TPD52: variants seen among roughly 807,000 people sequenced by gnomAD.
The protein encoded by TPD52 is prostate and colon associated protein.
A neutral mutation model predicts 31.3 loss-of-function variants in TPD52; 17 were observed. That is an observed-to-expected ratio of 0.54 (90% CI 0.37 to 0.82). The LOEUF is 0.82. Ranked by LOEUF, TPD52 falls within the 40% of genes least tolerant of loss-of-function variation. The pLI is 0.00. For synonymous variants in TPD52, 83 were observed against 89.6 expected, an observed-to-expected ratio of 0.93 and a Z score of 0.42; for missense variants, 212 against 240.1, an observed-to-expected ratio of 0.88 and a Z score of 0.77.
chr8:80,119,465 G>A (rs1354730120), intron 1 of TPD52, among the ~76,000 whole-genome samples: 1 of 152,160 alleles, frequency 6.6e-6, no homozygotes, highest in East Asian at 1.9e-4. Flanking sequence ...AGAATAATGT[G>A]TATACTATCC....
At chr8:80,127,266 C>T (rs1441531943) in intron 1 of TPD52, among the ~76,000 whole-genome samples, 1 of 152,192 alleles carries the variant, frequency 6.6e-6, no homozygotes, top group Non-Finnish European at 1.5e-5. Flanking sequence ...CAACACTCTC[C>T]AGCTCTCTCA....
chr8:80,049,398 C>T (rs1438798515), intron 5 of TPD52, among the ~76,000 whole-genome samples: 1 of 152,154 alleles, frequency 6.6e-6, no homozygotes, highest in African/African-American at 2.4e-5. Flanking sequence ...TACACAATCA[C>T]CTATCATTGG....
chr8:80,072,815 A>ATATATATATAT (rs1586229273), intron 1 of TPD52, among the ~76,000 whole-genome samples: 3 of 151,136 alleles, frequency 2.0e-5, no homozygotes, highest in South Asian at 4.1e-4. Context: ...ATATATATAT[A>ATATATATATAT]AACTTGGCCA....
At chr8:80,047,322 T>C (rs780026462) in intron 5 of TPD52, among the ~76,000 whole-genome samples, 11 of 152,186 alleles carry the variant, frequency 7.2e-5, no homozygotes, top group Non-Finnish European at 1.0e-4. Flanking sequence ...TGAGGTACTA[T>C]TGTCTCGCTG....
intron 1 of TPD52, among the ~76,000 whole-genome samples, chr8:80,128,685 A>G (rs1196515422): frequency 6.6e-6 from 1 of 151,690 alleles, no homozygotes; most frequent in Non-Finnish European, 1.5e-5. Flanking sequence ...AAAATAAAAT[A>G]AATTTAAATG....
At chr8:80,050,415 G>A in intron 5 of TPD52, 30 bp downstream of exon 5, 1 of 1,598,054 alleles carries the variant, frequency 6.3e-7, no homozygotes, top group Non-Finnish European at 8.5e-7. Flanking sequence ...ACAACTGCTG[G>A]ACTGCAGTGA....
chr8:80,061,840 T>C (rs773398665), intron 2 of TPD52, among the ~76,000 whole-genome samples: 4 of 152,076 alleles, frequency 2.6e-5, no homozygotes, highest in Non-Finnish European at 1.5e-5. Context: ...TCAACAAGAA[T>C]AAAACACTTA....
intron 5 of TPD52, among the ~76,000 whole-genome samples, chr8:80,048,376 A>G (rs887349871): frequency 6.6e-6 from 1 of 152,238 alleles, no homozygotes; most frequent in Non-Finnish European, 1.5e-5. Context: ...CTCCTTCTAT[A>G]TCCATAATTA....
In TPD52 at chr8:80,059,579, C is replaced by T. The variant is rs186292958; in HGVS notation, c.135+4899G>A. ...TAAAAAAAAGAAAAAGACAGCCAGGCGCAGTGGCTCACGCCTGTAATCCCA... is the reference window on the plus strand; with the variant it reads ...TAAAAAAAAGAAAAAGACAGCCAGGTGCAGTGGCTCACGCCTGTAATCCCA... On this transcript the variant is annotated intron_variant, in intron 2 of 7. Coordinates refer to ENST00000518937, the MANE Select transcript of TPD52 (RefSeq NM_001025253.3). Among the ~76,000 whole-genome samples the T allele has an allele frequency of 3.3e-5, 5 of 152,246 alleles. No individual in the cohort carries two copies. The East Asian group carries it at 7.7e-4, about 24-fold the overall frequency.
chr8:80,136,202 A>T (rs1190500311), intron 1 of TPD52, among the ~76,000 whole-genome samples: 1 of 149,740 alleles, frequency 6.7e-6, no homozygotes, highest in Non-Finnish European at 1.5e-5. Context: ...AAGCACACTC[A>T]CACACACATT....
chr8:80,118,080 C>A (rs566757181), intron 1 of TPD52, among the ~76,000 whole-genome samples: 1 of 152,084 alleles, frequency 6.6e-6, no homozygotes, highest in African/African-American at 2.4e-5. Flanking sequence ...CTACAGTAAT[C>A]AAGATAATGT....
At chr8:80,156,761 A>G (rs1810999818) in intron 1 of TPD52, among the ~76,000 whole-genome samples, 1 of 152,154 alleles carries the variant, frequency 6.6e-6, no homozygotes, top group African/African-American at 2.4e-5. Context: ...GGCTGTGGGG[A>G]TGCCAAGTAG....
At chr8:80,136,817 C>T (rs905559982) in intron 1 of TPD52, among the ~76,000 whole-genome samples, 4 of 152,184 alleles carry the variant, frequency 2.6e-5, no homozygotes, top group Non-Finnish European at 5.9e-5. Flanking sequence ...ACTTCACCCA[C>T]ATCCATAAAA....
intron 1 of TPD52, among the ~76,000 whole-genome samples, chr8:80,147,232 C>T (rs576619002): frequency 6.6e-6 from 1 of 152,264 alleles, no homozygotes; most frequent in African/African-American, 2.4e-5. Flanking sequence ...GTTAAAAGTA[C>T]CATTTTTAAG....
At chr8:80,146,677 A>C (rs1390672534) in intron 1 of TPD52, among the ~76,000 whole-genome samples, 3 of 152,270 alleles carry the variant, frequency 2.0e-5, no homozygotes, top group Non-Finnish European at 4.4e-5. Flanking sequence ...ATTTATTTAT[A>C]ATAGTTAACA....
At chr8:80,122,929 G>C (rs1277167071) in intron 1 of TPD52, 1 of 152,296 alleles carries the variant, frequency 6.6e-6, no homozygotes, top group Non-Finnish European at 1.5e-5. Context: ...TCACTGCTAG[G>C]CTGAGAATTC....
At chr8:80,128,696 T>C (rs1253010723) in intron 1 of TPD52, among the ~76,000 whole-genome samples, 2 of 151,570 alleles carry the variant, frequency 1.3e-5, no homozygotes, top group African/African-American at 4.8e-5. Flanking sequence ...AATTTAAATG[T>C]TAAATATTAA....
At chr8:80,061,439 T>C (rs1215601316) in intron 2 of TPD52, among the ~76,000 whole-genome samples, 1 of 141,420 alleles carries the variant, frequency 7.1e-6, no homozygotes, top group Non-Finnish European at 1.5e-5. Flanking sequence ...TGGTGGCTTA[T>C]GCCTGTAATC....
intron 1 of TPD52, among the ~76,000 whole-genome samples, chr8:80,084,267 T>G (rs1200610557): frequency 6.6e-6 from 1 of 152,218 alleles, no homozygotes; most frequent in East Asian, 1.9e-4. Context: ...TCCCACCCCC[T>G]GGCCCCAGGC....
Sources: allele counts gnomAD v4.1 joint callset (sites outside exome capture counted in the v4.1 genomes callset), GRCh38; gene constraint gnomAD v4.1.1; transcripts MANE v1.5; gene names NCBI Gene and HGNC (gene_info 2026-07-23, HGNC 2026-07-21).